Variants in RETREG3 observed in about 807,000 individuals in gnomAD.
RETREG3 encodes reticulophagy regulator 3.
Under a neutral mutation model 50.2 loss-of-function variants are expected in RETREG3, and 23 were observed. That is an observed-to-expected ratio of 0.46 (90% CI 0.33 to 0.65). The LOEUF (loss-of-function observed/expected upper bound fraction) is 0.65, where lower values mean the gene tolerates loss of function less well. Among genes scored for constraint, RETREG3 ranks in the 30% least tolerant of loss-of-function variants. RETREG3 has a pLI of 0.02. For synonymous variants in RETREG3, 240 were observed against 234.4 expected (o/e 1.02, Z -0.22); for missense variants, 546 against 598.0 (o/e 0.91, Z 0.91).
intron 8 of RETREG3, 23 bp from the exon 9 acceptor site, chr17:42,582,293 G>A: frequency 3.2e-6 from 5 of 1,581,832 alleles, no homozygotes; most frequent in Non-Finnish European, 4.3e-6. Flanking sequence ...AGAAGTGTCT[G>A]AGTCATGGCA....
Position 42,581,545 on chromosome 17 carries a change from G to T in RETREG3, c.*268C>A, listed in dbSNP as rs924299251. On this transcript the variant is annotated 3_prime_UTR_variant, in exon 9 of 9. Transcript: ENST00000309428. ...GGGAACCAATATCCCTGACTATTTT[G>T]TTCCCCCAAAGTACCATCCTGATGG... 2.5e-6 allele frequency: 1 copy of T among 402,228 alleles called. No homozygotes were observed. Among genetic ancestry groups the T allele is most frequent in the Non-Finnish European group, 4.4e-6 (1 of 224,946 alleles). The allele number at this position is 402,228 out of a possible 1,614,324, so 24.9% of individuals were successfully genotyped here.
At chr17:42,607,750 G>A (rs1022486378) in intron 1 of RETREG3, among the ~76,000 whole-genome samples, 2 of 151,310 alleles carry the variant, frequency 1.3e-5, no homozygotes, top group Non-Finnish European at 2.9e-5. Flanking sequence ...AGGTTGCAGT[G>A]AGCCGAGATC....
At position 42,583,575 on chromosome 17, in the gene RETREG3, G is replaced by A. The variant is rs765041342; in HGVS notation, c.733C>T (p.Arg245Cys). 5.4e-5 allele frequency: 87 copies of A among 1,613,252 alleles called. No individual in the cohort carries two copies. The highest frequency in any genetic ancestry group is 6.6e-5 in the South Asian group (6 of 91,048). ...GCTCGTTCTGGGTGGAGAGCTCTGC[G>A]GCGTACTGTGGGAAGAGCACAAAGT... ...MSKQRERQLR[R>C]RALHPERAMD... Residue 245 changes from arginine to cysteine, a missense_variant, in exon 7 of 9, where the codon CGC becomes TGC. By Grantham distance (180) the Arg-to-Cys change is radical. Transcript: ENST00000309428.
At chr17:42,597,118 C>A (rs529246021) in intron 1 of RETREG3, among the ~76,000 whole-genome samples, 2 of 152,158 alleles carry the variant, frequency 1.3e-5, no homozygotes, top group East Asian at 3.9e-4. Flanking sequence ...AAGTGATCCG[C>A]CCGCTTCGAC....
intron 2 of RETREG3, among the ~76,000 whole-genome samples, chr17:42,588,412 AT>A (rs530998749): frequency 2.8e-3 from 396 of 143,300 alleles, no homozygotes; most frequent in Non-Finnish European, 2.8e-3. Context: ...TGCCCGGCTA[AT>A]TTTTTTTTTT....
At chr17:42,597,607 A>G (rs71367919) in intron 1 of RETREG3, among the ~76,000 whole-genome samples, 1,668 of 16,850 alleles carry the variant, frequency 0.099, 111 homozygotes, top group East Asian at 0.15. Context: ...ATATATATAT[A>G]TATATATATA....
chr17:42,583,618 C>T (rs1450524268), intron 6 of RETREG3, 38 bp from the exon 7 acceptor site: 7 of 1,592,804 alleles, frequency 4.4e-6, no homozygotes, highest in Non-Finnish European at 6.0e-6. Context: ...GATACCTTCT[C>T]CCAGCGTAAA....
chr17:42,582,794 T>C lies in RETREG3; in HGVS notation c.823A>G (p.Thr275Ala), dbSNP rs1567920422. The change falls in exon 8 of 9, where the codon ACT (threonine) becomes GCT (alanine). Residue 275 changes from threonine (T) to alanine (A), a missense_variant. Coordinates refer to ENST00000309428, the MANE Select transcript of RETREG3 (RefSeq NM_178126.4). Reference sequence around the variant, plus strand: ...GTGATGGCCAATTCCCTGGCAACAGTAGAATCGTCCAGCTTAGGAAAAGAC... The same window carrying C: ...GTGATGGCCAATTCCCTGGCAACAGCAGAATCGTCCAGCTTAGGAAAAGAC... ...AAFCPQLDDS[T>A]VARELAITDS... 3.7e-6 allele frequency: 6 copies of C among 1,614,174 alleles called. No individual in the cohort carries two copies. Among genetic ancestry groups the C allele is most frequent in the East Asian group, 2.2e-5 (1 of 44,880 alleles).
intron 2 of RETREG3, among the ~76,000 whole-genome samples, chr17:42,589,850 G>C (rs2143387897): frequency 6.6e-6 from 1 of 152,306 alleles, no homozygotes; most frequent in African/African-American, 2.4e-5. Flanking sequence ...TCTCCTAACA[G>C]GTCATCCTGT....
At chr17:42,587,673 T>C (rs1053946473) in intron 3 of RETREG3, 161 bp downstream of exon 3, 66 of 783,660 alleles carry the variant, frequency 8.4e-5, no homozygotes, top group Non-Finnish European at 1.0e-4. Context: ...TCTCAACATA[T>C]TGCTGCCTGA....
At chr17:42,601,631 T>TC (rs1170017801) in intron 1 of RETREG3, among the ~76,000 whole-genome samples, 11 of 134,844 alleles carry the variant, frequency 8.2e-5, no homozygotes, top group African/African-American at 3.0e-4. Context: ...GTTCCAACTT[T>TC]TTTTTTTTTT....
intron 1 of RETREG3, among the ~76,000 whole-genome samples, chr17:42,595,666 CTTTTTTT>C (rs770492649): frequency 2.2e-5 from 3 of 134,460 alleles, no homozygotes; most frequent in South Asian, 2.3e-4. Context: ...TTCTTTCTTT[CTTTTTTT>C]TTTTTTTTTT....
rs1189953889 is a variant in RETREG3, at chr17:42,581,938, C to T, written c.1276G>A (p.Ala426Thr). 6.2e-7 allele frequency: 1 copy of T among 1,614,132 alleles called. No individual in the cohort carries two copies. The highest frequency in any genetic ancestry group is 1.7e-5 in the Admixed American group (1 of 60,030). The change falls in exon 9 of 9, where the codon GCA becomes ACA. Residue 426 changes from alanine (A) to threonine (T), a missense_variant. Transcript: ENST00000309428. ...PGPSGAPAQR[A>T]TRGFLRSPSS... ...GGGGACCGGAGGAAGCCTCTCGTTG[C>T]TCTCTGGGCAGGTGCTCCAGAAGGG...
chr17:42,582,284 G>C lies in RETREG3; in HGVS notation c.944-14C>G, dbSNP rs1228737860. 1 of 1,591,154 alleles carries C rather than the reference G, an allele frequency of 6.3e-7. No individual in the cohort carries two copies. Among genetic ancestry groups the C allele is most frequent in the Non-Finnish European group, 8.5e-7 (1 of 1,173,416 alleles). Reference sequence around the variant, plus strand: ...GACCATCTAGGTCTGGTGGAATACAGAAGTGTCTGAGTCATGGCACCTACC... The same window carrying C: ...GACCATCTAGGTCTGGTGGAATACACAAGTGTCTGAGTCATGGCACCTACC... On this transcript the variant is annotated splice_polypyrimidine_tract_variant and intron_variant, in intron 8 of 8. Transcript: ENST00000309428.
At chr17:42,608,880 A>C in intron 1 of RETREG3, 1 of 576,658 alleles carries the variant, frequency 1.7e-6, no homozygotes, top group Non-Finnish European at 3.0e-6. Context: ...GGCACAGGTA[A>C]GGCAGAGAAG....
chr17:42,604,474 A>C (rs1167529965), intron 1 of RETREG3, among the ~76,000 whole-genome samples: 1 of 152,116 alleles, frequency 6.6e-6, no homozygotes, highest in Non-Finnish European at 1.5e-5. Flanking sequence ...GTTTGAGACC[A>C]GCCTGGGCAA....
rs200007991 is a variant in RETREG3, at chr17:42,588,263, AT to A, written c.347-400del. 9.9e-5 allele frequency among the ~76,000 whole-genome samples: 15 copies of A among 152,076 alleles called. No homozygotes were observed. In the East Asian group the frequency reaches 2.7e-3, roughly 27 times the overall value. ...CCCTAGAAATCCACCTGTTGTGTTT[AT>A]TTTTTTTGAGACAGAGTCTTCTCGC... On this transcript the variant is annotated intron_variant, in intron 2 of 8. Coordinates refer to ENST00000309428, the MANE Select transcript of RETREG3 (RefSeq NM_178126.4).
rs1308331528 is a variant in RETREG3 at position 42,579,773 on chromosome 17, T to C, written c.*2040A>G. The C allele has an allele frequency of 6.5e-6, 1 of 152,736 alleles. No individual in the cohort carries two copies. The highest frequency in any genetic ancestry group is 2.4e-5 in the African/African-American group (1 of 41,414). The allele number at this position is 152,736 out of a possible 1,614,324, so 9.5% of individuals were successfully genotyped here. ...AACTTGAGAGGTGTCAAAAGTCTGT[T>C]TGAGAAGCCTAAAGTGGGGAGATGC... On this transcript the variant is annotated 3_prime_UTR_variant, in exon 9 of 9. Transcript: ENST00000309428.
intron 2 of RETREG3, among the ~76,000 whole-genome samples, chr17:42,590,083 C>T (rs961665888): frequency 2.0e-5 from 3 of 152,066 alleles, no homozygotes; most frequent in Non-Finnish European, 4.4e-5. Context: ...GCACGCCTGT[C>T]GTCCCAGCTA....
Sources: allele counts gnomAD v4.1 joint callset (sites outside exome capture counted in the v4.1 genomes callset), GRCh38; gene constraint gnomAD v4.1.1; transcripts MANE v1.5; gene names NCBI Gene and HGNC (gene_info 2026-07-23, HGNC 2026-07-21).